PRR11: variants seen among roughly 807,000 people sequenced by gnomAD.
PRR11 encodes proline-rich protein 11.
PRR11 carries 30 observed loss-of-function variants against 45.6 expected under a neutral mutation model. The ratio of observed to expected loss-of-function variants is 0.66; its 90% CI spans 0.49 to 0.89. PRR11 has a LOEUF of 0.89. PRR11 is among the 40% of genes least tolerant of loss of function. The pLI, the probability that PRR11 is intolerant of heterozygous loss-of-function variation, is 0.00. For synonymous variants in PRR11, 128 were observed against 153.5 expected, an observed-to-expected ratio of 0.83 and a Z score of 1.23; for missense variants, 373 against 424.8, an observed-to-expected ratio of 0.88 and a Z score of 1.07.
chr17:59,165,094 C>G (rs1051807027), intron 1 of PRR11, among the ~76,000 whole-genome samples: 1 of 152,034 alleles, frequency 6.6e-6, no homozygotes, highest in African/African-American at 2.4e-5. Flanking sequence ...AGTCTCGGCT[C>G]ACTGCAAGCT....
Position 59,197,786 on chromosome 17 carries a change from T to A in PRR11, c.1011T>A (p.Phe337Leu). ...TGACGCAGGCCTTAAGGAGAAAGTTTCAGGTAACCCTTTAGGAAAAGAATA... is the reference window on the plus strand; with the variant it reads ...TGACGCAGGCCTTAAGGAGAAAGTTACAGGTAACCCTTTAGGAAAAGAATA... ...PVMTQALRRKFQLAHPRSPTP... is the reference protein window; with the variant it reads ...PVMTQALRRKLQLAHPRSPTP... Residue 337 changes from phenylalanine (F) to leucine (L), a missense_variant, in exon 9 of 10, where the codon TTT becomes TTA. Phe to Leu is a conservative substitution (Grantham distance 22, BLOSUM62 0). Transcript: ENST00000262293. 2 of 1,612,278 alleles carry A rather than the reference T, an allele frequency of 1.2e-6. No individual in the cohort carries two copies. Among genetic ancestry groups the A allele is most frequent in the Non-Finnish European group, 1.7e-6 (2 of 1,178,668 alleles).
intron 2 of PRR11, among the ~76,000 whole-genome samples, chr17:59,184,104 CA>C (rs753502855): frequency 6.6e-6 from 1 of 151,802 alleles, no homozygotes; most frequent in East Asian, 1.9e-4. Flanking sequence ...GACGTTGTGT[CA>C]AAAAAAATTT....
intron 1 of PRR11, among the ~76,000 whole-genome samples, chr17:59,164,375 G>GA (rs1430912675): frequency 6.6e-6 from 1 of 151,968 alleles, no homozygotes; most frequent in Non-Finnish European, 1.5e-5. Context: ...ACACCTGACT[G>GA]AAAGTTTGGC....
At chr17:59,175,092 G>T in intron 2 of PRR11, 1 of 571,716 alleles carries the variant, frequency 1.7e-6, no homozygotes, top group Non-Finnish European at 3.1e-6. Flanking sequence ...TCATTTGGAG[G>T]CCTCGTTGTC....
chr17:59,205,930 A>G lies in PRR11; in HGVS notation c.*4299A>G, dbSNP rs1379749285. 5.9e-5 allele frequency among the ~76,000 whole-genome samples: 9 copies of G among 152,038 alleles called. No individual in the cohort carries two copies. Among genetic ancestry groups the G allele is most frequent in the Non-Finnish European group, 1.3e-4 (9 of 68,012 alleles). ...TCTGGGTGTGGTGGCATGTGCCTAT[A>G]GTCTCAGCTTCTCAGAAGACTGAGG... On this transcript the variant is annotated 3_prime_UTR_variant, in exon 10 of 10. Transcript: ENST00000262293.
At chr17:59,196,140 T>TA (rs1478450657) in intron 7 of PRR11, among the ~76,000 whole-genome samples, 1 of 151,832 alleles carries the variant, frequency 6.6e-6, no homozygotes, top group Non-Finnish European at 1.5e-5. Flanking sequence ...AACAGGATTT[T>TA]ATCTATGAAA....
At chr17:59,195,485 G>C in intron 7 of PRR11, 42 bp downstream of exon 7, 1 of 1,297,814 alleles carries the variant, frequency 7.7e-7, no homozygotes, top group Middle Eastern at 1.8e-4. Context: ...CTACTTAAAA[G>C]AATGATATTG....
Position 59,193,640 on chromosome 17 carries a change from TTCCTCCTCCTCC to T in PRR11, c.555_566del (p.Pro189_Pro192del). On this transcript the variant is annotated inframe_deletion, in exon 5 of 10. Transcript: ENST00000262293. ...ACACTGCCACAGCCAGCCAGCCATT[TTCCTCCTCCTCC>T]TCCACCTCCACCTCTGCCACCTCCT... 1 of 1,614,050 alleles carries T rather than the reference TTCCTCCTCCTCC, an allele frequency of 6.2e-7. No homozygotes were observed. Among genetic ancestry groups the T allele is most frequent in the Non-Finnish European group, 8.5e-7 (1 of 1,180,002 alleles).
chr17:59,182,224 C>T (rs774121015), intron 2 of PRR11, among the ~76,000 whole-genome samples: 1 of 151,658 alleles, frequency 6.6e-6, no homozygotes, highest in Non-Finnish European at 1.5e-5. Context: ...GATGGGGTTT[C>T]ACCATGTTGA....
chr17:59,164,397 T>C (rs1382031233), intron 1 of PRR11, among the ~76,000 whole-genome samples: 1 of 151,498 alleles, frequency 6.6e-6, no homozygotes, highest in Non-Finnish European at 1.5e-5. Flanking sequence ...TAATATAGAA[T>C]TCTATGATGG....
chr17:59,186,569 T>C (rs1388064235), intron 4 of PRR11, among the ~76,000 whole-genome samples: 1 of 150,442 alleles, frequency 6.6e-6, no homozygotes, highest in Non-Finnish European at 1.5e-5. Context: ...AATTTTTTAG[T>C]TTTTTATAGG....
intron 1 of PRR11, among the ~76,000 whole-genome samples, chr17:59,161,620 G>A (rs944633263): frequency 1.3e-5 from 2 of 152,040 alleles, no homozygotes; most frequent in Middle Eastern, 3.2e-3. Context: ...ATGGTGGTAC[G>A]CCCTTGTAGT....
intron 9 of PRR11, among the ~76,000 whole-genome samples, chr17:59,201,181 A>AT (rs1475993921): frequency 6.6e-6 from 1 of 151,570 alleles, no homozygotes; most frequent in Non-Finnish European, 1.5e-5. Flanking sequence ...TCCCGGACTT[A>AT]TTTTTTTAAT....
intron 2 of PRR11, among the ~76,000 whole-genome samples, chr17:59,172,843 C>T (rs537402389): frequency 6.6e-6 from 1 of 152,236 alleles, no homozygotes; most frequent in African/African-American, 2.4e-5. Context: ...GTCTCCCTGA[C>T]GAGCGCCGCC....
chr17:59,182,363 G>A (rs1397062049), intron 2 of PRR11, among the ~76,000 whole-genome samples: 1 of 136,816 alleles, frequency 7.3e-6, no homozygotes, highest in Admixed American at 7.5e-5. Context: ...CCCTCCTCAG[G>A]TTCTCCTTCC....
At chr17:59,164,703 C>G (rs2147834052) in intron 1 of PRR11, among the ~76,000 whole-genome samples, 1 of 152,136 alleles carries the variant, frequency 6.6e-6, no homozygotes, top group East Asian at 1.9e-4. Flanking sequence ...AACCCCATCT[C>G]TACTAAAAAT....
In PRR11 at chr17:59,179,717, A is replaced by G. The variant is rs905079258; in HGVS notation, c.129-5337A>G. On this transcript the variant is annotated intron_variant, in intron 2 of 9. Coordinates refer to ENST00000262293, the MANE Select transcript of PRR11 (RefSeq NM_018304.4). The stretch of plus-strand genomic sequence containing the variant: ...TGACACTCGCCATTGCTTCAGCTTC[A>G]TCTTGAGCCCACACAGCGTCTCCGC... 6 of 1,429,468 alleles carry G rather than the reference A, an allele frequency of 4.2e-6. No individual in the cohort carries two copies. The South Asian group carries it at 5.7e-5, about 14-fold the overall frequency. 88.5% of individuals were successfully genotyped at this position (1,429,468 alleles called of 1,614,324 possible).
At chr17:59,200,062 C>T (rs929647744) in intron 9 of PRR11, among the ~76,000 whole-genome samples, 1 of 152,022 alleles carries the variant, frequency 6.6e-6, no homozygotes, top group South Asian at 2.1e-4. Context: ...AATGGATAAA[C>T]GATAATAAAT....
rs1392066057 is a variant in PRR11, at chr17:59,205,299, T to G, written c.*3668T>G. On this transcript the variant is annotated 3_prime_UTR_variant, in exon 10 of 10. Coordinates refer to ENST00000262293, the MANE Select transcript of PRR11 (RefSeq NM_018304.4). ...TTGAGACTGAATGGCAACCAGAGAA[T>G]GTAAACAACCAAGGTGCATCTGGTT... Among the ~76,000 whole-genome samples the G allele has an allele frequency of 6.6e-6, 1 of 152,002 alleles. No homozygotes were observed. The highest frequency in any genetic ancestry group is 1.9e-4 in the East Asian group (1 of 5,198).
Sources: gnomAD v4.1 joint callset for allele counts (sites outside exome capture counted in the v4.1 genomes callset) on GRCh38, gnomAD v4.1.1 for gene constraint, MANE v1.5 for transcripts, NCBI Gene and HGNC (gene_info 2026-07-23, HGNC 2026-07-21) for gene names.